CD96: variants seen among roughly 807,000 people sequenced by gnomAD.
CD96 encodes T-cell surface protein tactile.
Under a neutral mutation model 71.3 loss-of-function variants are expected in CD96, and 70 were observed. The ratio of observed to expected loss-of-function variants is 0.98; its 90% CI spans 0.81 to 1.20. The LOEUF is 1.20. Among genes scored for constraint, CD96 ranks in the 50% most tolerant of loss-of-function variants. The pLI, the probability that CD96 is intolerant of heterozygous loss-of-function variation, is 0.00. For synonymous variants in CD96, 248 were observed against 233.0 expected (o/e 1.06, Z -0.59); for missense variants, 742 against 677.5 (o/e 1.10, Z -1.06).
intron 3 of CD96, chr3:111,577,470 T>C (rs1474902784): frequency 6.6e-7 from 1 of 1,521,308 alleles, no homozygotes; most frequent in East Asian, 2.3e-5. Flanking sequence ...AATACAGTCT[T>C]TCTCCCTTCT....
chr3:111,638,169 G>C lies in CD96; in HGVS notation c.1477+1G>C. ...AAAACTAATCACGTCCATATCACTG[G>C]TAAGTCATTTATCCTATTTTGGGGG... On this transcript the variant is annotated splice_donor_variant, in intron 12 of 13. Coordinates refer to ENST00000352690, the MANE Select transcript of CD96 (RefSeq NM_005816.5). LOFTEE classifies it high-confidence loss of function. The C allele has an allele frequency of 6.4e-7, 1 of 1,557,986 alleles. No homozygotes were observed. Among genetic ancestry groups the C allele is most frequent in the Non-Finnish European group, 8.9e-7 (1 of 1,128,938 alleles).
intron 3 of CD96, among the ~76,000 whole-genome samples, chr3:111,572,285 C>T (rs140946564): frequency 1.8e-3 from 275 of 152,300 alleles, no homozygotes; most frequent in African/African-American, 6.2e-3. Flanking sequence ...TTGAGTAGCC[C>T]GCTGTGATCA....
At chr3:111,608,104 C>G (rs1041720681) in intron 8 of CD96, among the ~76,000 whole-genome samples, 1 of 141,610 alleles carries the variant, frequency 7.1e-6, no homozygotes, top group East Asian at 2.0e-4. Context: ...GCAGTCACAC[C>G]GTTGGCTGAG....
intron 12 of CD96, among the ~76,000 whole-genome samples, chr3:111,643,081 A>G (rs1423003404): frequency 6.6e-6 from 1 of 151,324 alleles, no homozygotes; most frequent in Non-Finnish European, 1.5e-5. Flanking sequence ...AAAAAAAAAA[A>G]AAAAAAAAAC....
In CD96 at chr3:111,579,242, C is replaced by T. The variant is rs1559732820; in HGVS notation, c.751+8C>T. 1 of 1,494,530 alleles carries T rather than the reference C, an allele frequency of 6.7e-7. No individual in the cohort carries two copies. The highest frequency in any genetic ancestry group is 1.1e-5 in the South Asian group (1 of 88,684). The allele number at this position is 1,494,530 out of a possible 1,614,324, so 92.6% of individuals were successfully genotyped here. On this transcript the variant is annotated splice_region_variant and intron_variant, in intron 4 of 13. Coordinates refer to ENST00000352690, the MANE Select transcript of CD96 (RefSeq NM_005816.5). ...CCACAGTCAAGGTTTTTGGTAAGGGCTTTTGTTCTACAGACTCACTGGCAT... is the reference window on the plus strand; with the variant it reads ...CCACAGTCAAGGTTTTTGGTAAGGGTTTTTGTTCTACAGACTCACTGGCAT...
At chr3:111,605,288 A>G (rs1179096351) in intron 7 of CD96, among the ~76,000 whole-genome samples, 1 of 152,208 alleles carries the variant, frequency 6.6e-6, no homozygotes. Context: ...CCTCAGCTTG[A>G]GAAGGTACAT....
intron 3 of CD96, among the ~76,000 whole-genome samples, chr3:111,572,121 G>A (rs1386491404): frequency 6.6e-6 from 1 of 152,180 alleles, no homozygotes; most frequent in Non-Finnish European, 1.5e-5. Context: ...GACATGCCAT[G>A]TATCTACCCG....
chr3:111,606,872 C>T, intron 8 of CD96, 80 bp downstream of exon 8: 1 of 868,104 alleles, frequency 1.2e-6, no homozygotes, highest in South Asian at 1.3e-5. Context: ...TTGCATCATT[C>T]ATGCCTGTTT....
Position 111,625,606 on chromosome 3 carries a change from A to C in CD96, c.1321+1202A>C, listed in dbSNP as rs146155883. 7.5e-3 allele frequency among the ~76,000 whole-genome samples: 1,144 copies of C among 152,312 alleles called. 17 individuals carry two copies. Among genetic ancestry groups the C allele is most frequent in the African/African-American group, 0.026 (1,085 of 41,580 alleles). On this transcript the variant is annotated intron_variant, in intron 10 of 13. Transcript: ENST00000352690. The stretch of plus-strand genomic sequence containing the variant: ...ATTAAAATGTACCCCTGCCATGCAC[A>C]TTACACAAAAATAACTCTATATAGT...
intron 3 of CD96, among the ~76,000 whole-genome samples, chr3:111,572,095 T>C (rs1291173788): frequency 1.3e-5 from 2 of 152,156 alleles, no homozygotes; most frequent in Non-Finnish European, 2.9e-5. Flanking sequence ...TGAGTAGAGA[T>C]TTAAGATGTT....
At chr3:111,662,860 A>G (rs887298727) in intron 14 of CD96, among the ~76,000 whole-genome samples, 1 of 151,956 alleles carries the variant, frequency 6.6e-6, no homozygotes, top group Non-Finnish European at 1.5e-5. Flanking sequence ...AACTGTTCCA[A>G]CCTCTGCTCC....
intron 8 of CD96, among the ~76,000 whole-genome samples, chr3:111,608,618 G>A (rs1374341649): frequency 6.6e-6 from 1 of 152,194 alleles, no homozygotes; most frequent in African/African-American, 2.4e-5. Flanking sequence ...TCACACCACA[G>A]TGTTATGACC....
chr3:111,624,487 T>A, intron 10 of CD96, 83 bp downstream of exon 10: 1 of 827,746 alleles, frequency 1.2e-6, no homozygotes, highest in Non-Finnish European at 2.1e-6. Flanking sequence ...TCTATGTGCT[T>A]TGTTTGTAAT....
Position 111,618,818 on chromosome 3 carries a change from G to T in CD96, c.1181-4936G>T, listed in dbSNP as rs377527607. On this transcript the variant is annotated intron_variant, in intron 8 of 13. Coordinates refer to ENST00000352690, the MANE Select transcript of CD96 (RefSeq NM_005816.5). ...AATCTCCTGACCTCATGATCCACCC[G>T]CCTCAACCTCCCAAAGTGCTGGGAT... Among the ~76,000 whole-genome samples the T allele has an allele frequency of 5.9e-5, 9 of 151,714 alleles. 1 individual carries two copies. Among genetic ancestry groups the T allele is most frequent in the South Asian group, 2.1e-4 (1 of 4,806 alleles).
intron 5 of CD96, among the ~76,000 whole-genome samples, chr3:111,589,012 G>A (rs1436072819): frequency 6.8e-6 from 1 of 146,586 alleles, no homozygotes; most frequent in Non-Finnish European, 1.5e-5. Context: ...GTCCAGTGCC[G>A]CGATCTCTGC....
intron 10 of CD96, among the ~76,000 whole-genome samples, chr3:111,631,407 A>G (rs1342218712): frequency 6.6e-6 from 1 of 152,168 alleles, no homozygotes; most frequent in Non-Finnish European, 1.5e-5. Context: ...TTACCACAAA[A>G]AAGAATAAAA....
In CD96 at chr3:111,660,919, A is replaced by G. The variant is rs548853968; in HGVS notation, c.*53-4608A>G. On this transcript the variant is annotated intron_variant and NMD_transcript_variant, in intron 14 of 14. Transcript: ENST00000494798. ...ACCTTAAACTATAAAATCCTAGAAG[A>G]AAATCTAGGAAATACTATTGATGAC... is the stretch of plus-strand genomic sequence containing the variant. Among the ~76,000 whole-genome samples, 27 of 152,328 alleles carry G rather than the reference A, an allele frequency of 1.8e-4. No individual in the cohort carries two copies. In the South Asian group the frequency reaches 4.6e-3, roughly 26 times the overall value.
rs1938649597 is a variant in CD96 at position 111,624,418 on chromosome 3, G to A, written c.1321+14G>A. The A allele has an allele frequency of 5.2e-6, 8 of 1,537,732 alleles. No individual in the cohort carries two copies. Among genetic ancestry groups the A allele is most frequent in the East Asian group, 2.2e-5 (1 of 44,528 alleles). ...ATACCAAAAAATGTTAAGTATAATCGTGGGTCCCTTGAGTCCTCTGGACTT... is the reference window on the plus strand; with the variant it reads ...ATACCAAAAAATGTTAAGTATAATCATGGGTCCCTTGAGTCCTCTGGACTT... On this transcript the variant is annotated intron_variant, in intron 10 of 13. Transcript: ENST00000352690.
rs1468989162 is a variant in CD96 at position 111,561,520 on chromosome 3, C to T, written c.419-6003C>T. ...CGGGGTGCCTCCCAGTTAGGCTGCT[C>T]GGGGGTCAGGGGTCAGGGACCCACT... is the stretch of plus-strand genomic sequence containing the variant. On this transcript the variant is annotated intron_variant, in intron 2 of 13. Transcript: ENST00000352690. Among the ~76,000 whole-genome samples the T allele has an allele frequency of 6.6e-4, 98 of 148,096 alleles. 1 individual carries two copies. The highest frequency in any genetic ancestry group is 1.0e-3 in the East Asian group (5 of 4,984).
Sources: allele counts gnomAD v4.1 joint callset (sites outside exome capture counted in the v4.1 genomes callset), GRCh38; gene constraint gnomAD v4.1.1; transcripts MANE v1.5; gene names NCBI Gene and HGNC (gene_info 2026-07-23, HGNC 2026-07-21).